The following COL23A1 variants were observed in gnomAD, a reference collection of about 807,000 sequenced individuals.
The protein encoded by COL23A1 is collagen type XXIII alpha 1 chain.
In COL23A1, 97 loss-of-function variants were observed where a neutral mutation model predicts 99.3. The observed-to-expected ratio is 0.98, with a 90% CI of 0.83 to 1.16. The LOEUF is 1.16. Among genes scored for constraint, COL23A1 ranks in the 50% most tolerant of loss-of-function variants. The pLI is 0.00. For synonymous variants in COL23A1, 320 were observed against 308.2 expected (o/e 1.04, Z -0.40); for missense variants, 762 against 757.4 (o/e 1.01, Z -0.07).
intron 10 of COL23A1, 108 bp downstream of exon 10, chr5:178,262,109 T>G (rs952338229): frequency 2.4e-6 from 3 of 1,228,648 alleles, no homozygotes; most frequent in Non-Finnish European, 3.5e-6. Context: ...CGCACACACA[T>G]AAACATGTGC....
chr5:178,485,390 G>GT (rs1342550498), intron 2 of COL23A1, among the ~76,000 whole-genome samples: 2 of 151,846 alleles, frequency 1.3e-5, no homozygotes, highest in Non-Finnish European at 2.9e-5. Context: ...TGGGAGGATT[G>GT]TTTGAGCCCA....
chr5:178,355,695 T>C (rs1761605825), intron 2 of COL23A1, among the ~76,000 whole-genome samples: 1 of 152,248 alleles, frequency 6.6e-6, no homozygotes, highest in South Asian at 2.1e-4. Context: ...GCCAAGGATG[T>C]TAGCCAGAAT....
chr5:178,247,841 G>A lies in COL23A1; in HGVS notation c.1213-10C>T. Reference sequence around the variant, plus strand: ...CCACTATGAGCTGAGCCTAGGGAGGGTGAGAGACAGGTTAGTCACCCACCG... The same window carrying A: ...CCACTATGAGCTGAGCCTAGGGAGGATGAGAGACAGGTTAGTCACCCACCG... On this transcript the variant is annotated splice_polypyrimidine_tract_variant and intron_variant, in intron 20 of 28. Transcript: ENST00000390654. 7 of 1,610,420 alleles carry A rather than the reference G, an allele frequency of 4.3e-6. No homozygotes were observed. The highest frequency in any genetic ancestry group is 5.9e-6 in the Non-Finnish European group (7 of 1,178,244).
At chr5:178,360,956 T>C (rs1477926411) in intron 2 of COL23A1, among the ~76,000 whole-genome samples, 1 of 152,124 alleles carries the variant, frequency 6.6e-6, no homozygotes, top group African/African-American at 2.4e-5. Context: ...AGAAGACGTT[T>C]TTGACATTCG....
Position 178,590,035 on chromosome 5 carries a change from C to T in COL23A1, c.163G>A (p.Gly55Ser). The T allele has an allele frequency of 1.5e-6, 2 of 1,354,580 alleles. No homozygotes were observed. Among genetic ancestry groups the T allele is most frequent in the Non-Finnish European group, 1.9e-6 (2 of 1,050,024 alleles). 83.9% of individuals were successfully genotyped at this position (1,354,580 alleles called of 1,614,324 possible). ...CCCTGCAGCGCGGCCGCCTGGACAC[C>T]CAGCAGCAGGCAGGCAGCCGCCGAG... Reference protein sequence around the residue: ...VGSAAACLLLGVQAAALQGRV... With the variant: ...VGSAAACLLLSVQAAALQGRV... Residue 55 changes from glycine (G) to serine (S), a missense_variant, in exon 1 of 29, where the codon GGT becomes AGT. Gly to Ser is a moderately conservative substitution (Grantham distance 56). Coordinates refer to ENST00000390654, the MANE Select transcript of COL23A1 (RefSeq NM_173465.4). This position sits in a 1 kb window ranked among gnomAD's most constrained non-coding sequence, Gnocchi z 5.7.
At chr5:178,371,390 G>A (rs572006848) in intron 2 of COL23A1, among the ~76,000 whole-genome samples, 1 of 152,186 alleles carries the variant, frequency 6.6e-6, no homozygotes, top group Non-Finnish European at 1.5e-5. Flanking sequence ...GCATGCCCCA[G>A]CAGGGAGGAC....
At chr5:178,367,246 C>T (rs913591084) in intron 2 of COL23A1, among the ~76,000 whole-genome samples, 1 of 152,200 alleles carries the variant, frequency 6.6e-6, no homozygotes, top group Non-Finnish European at 1.5e-5. Context: ...ATGGGAGCTG[C>T]TGCGCTTAGT....
intron 2 of COL23A1, among the ~76,000 whole-genome samples, chr5:178,555,408 T>C (rs1762218653): frequency 6.6e-6 from 1 of 152,056 alleles, no homozygotes. Context: ...ACATGTGATA[T>C]ACACCTAGAG....
At chr5:178,504,158 T>C (rs1758733515) in intron 2 of COL23A1, among the ~76,000 whole-genome samples, 1 of 152,126 alleles carries the variant, frequency 6.6e-6, no homozygotes, top group South Asian at 2.1e-4. Context: ...ACATATCTTC[T>C]TTGTTTTTCA....
At chr5:178,305,787 C>A (rs949792829) in intron 3 of COL23A1, among the ~76,000 whole-genome samples, 8 of 151,846 alleles carry the variant, frequency 5.3e-5, no homozygotes, top group African/African-American at 1.9e-4. Flanking sequence ...GAGGTCACGG[C>A]AGTGAGAAGA....
intron 2 of COL23A1, among the ~76,000 whole-genome samples, chr5:178,399,084 G>A (rs951414275): frequency 8.5e-5 from 13 of 152,232 alleles, no homozygotes; most frequent in Admixed American, 4.6e-4. Flanking sequence ...GGCTGGAAGG[G>A]GCACCTGGTC....
At chr5:178,416,938 G>A (rs947915494) in intron 2 of COL23A1, among the ~76,000 whole-genome samples, 2 of 152,114 alleles carry the variant, frequency 1.3e-5, no homozygotes, top group African/African-American at 4.8e-5. Context: ...ACCACAGCCC[G>A]AGATCTGGCC....
At chr5:178,399,351 GACGGAGGATCCTGCCAGCACTC>G (rs2127761959) in intron 2 of COL23A1, among the ~76,000 whole-genome samples, 1 of 152,334 alleles carries the variant, frequency 6.6e-6, no homozygotes, top group Non-Finnish European at 1.5e-5. Context: ...GATAGACAGA[GACGGAGGATCCTGCCAGCACTC>G]ACTAGCTGCT....
At chr5:178,421,713 G>T (rs1428800798) in intron 2 of COL23A1, among the ~76,000 whole-genome samples, 2 of 152,102 alleles carry the variant, frequency 1.3e-5, no homozygotes, top group Non-Finnish European at 2.9e-5. Context: ...ACAAAAAACA[G>T]CAAAAATTAC....
chr5:178,471,745 G>A (rs1756763208), intron 2 of COL23A1, among the ~76,000 whole-genome samples: 2 of 152,064 alleles, frequency 1.3e-5, no homozygotes, highest in Admixed American at 6.6e-5. Flanking sequence ...TCACCCATGG[G>A]CCAGGTATGT....
chr5:178,582,143 A>C (rs946473835), intron 1 of COL23A1, among the ~76,000 whole-genome samples: 4 of 144,850 alleles, frequency 2.8e-5, no homozygotes, highest in African/African-American at 5.2e-5. Flanking sequence ...GGAGTTCAAG[A>C]CTGCAGTGAG....
intron 2 of COL23A1, among the ~76,000 whole-genome samples, chr5:178,427,663 T>A (rs1240971229): frequency 1.3e-5 from 2 of 152,094 alleles, no homozygotes; most frequent in Admixed American, 1.3e-4. Context: ...GGAACAGACA[T>A]GGAGGAAGCT....
chr5:178,458,323 A>G (rs1193743825), intron 2 of COL23A1, among the ~76,000 whole-genome samples: 1 of 151,724 alleles, frequency 6.6e-6, no homozygotes, highest in Non-Finnish European at 1.5e-5. Flanking sequence ...TTCTCTTTGT[A>G]GAAGTATTCC....
Position 178,384,500 on chromosome 5 carries a change from C to T in COL23A1, c.362-77581G>A, listed in dbSNP as rs1009556535. Among the ~76,000 whole-genome samples the T allele has an allele frequency of 3.9e-5, 6 of 152,140 alleles. No homozygotes were observed. The highest frequency in any genetic ancestry group is 1.4e-4 in the African/African-American group (6 of 41,446). On this transcript the variant is annotated intron_variant, in intron 2 of 28. Transcript: ENST00000390654. The surrounding 1 kb of genome is among the most constrained non-coding windows in gnomAD (Gnocchi z 5.5). ...GGCTTTTTGGAGGCCACGTGGACGG[C>T]GCTGAGTGCATCCCTCTCCAGCGGC...
Sources: gnomAD v4.1 joint callset for allele counts (sites outside exome capture counted in the v4.1 genomes callset) on GRCh38, gnomAD v4.1.1 for gene constraint, Gnocchi (gnomAD v3.1) non-coding constraint, MANE v1.5 for transcripts, NCBI Gene and HGNC (gene_info 2026-07-23, HGNC 2026-07-21) for gene names.